The following RPS6KA5 variants were observed in gnomAD, a reference collection of about 807,000 sequenced individuals.
RPS6KA5 encodes the protein ribosomal protein S6 kinase alpha-5.
RPS6KA5 carries 27 observed loss-of-function variants against 85.5 expected under a neutral mutation model. The ratio of observed to expected loss-of-function variants is 0.32; its 90% CI spans 0.23 to 0.44. RPS6KA5 has a LOEUF of 0.44. Ranked by LOEUF, RPS6KA5 falls within the 20% of genes least tolerant of loss-of-function variation. RPS6KA5 has a pLI of 1.00. For missense variants in RPS6KA5, 811 were observed against 980.9 expected (o/e 0.83, Z 2.31); for synonymous variants, 334 against 348.2 (o/e 0.96, Z 0.46).
intron 4 of RPS6KA5, among the ~76,000 whole-genome samples, chr14:90,943,730 G>C (rs1312606645): frequency 6.6e-6 from 1 of 151,810 alleles, no homozygotes; most frequent in Non-Finnish European, 1.5e-5. Flanking sequence ...ATAGGTATTT[G>C]TGCAGCACAC....
In RPS6KA5 at chr14:90,859,783, A is replaced by G. The variant is rs2032453727; in HGVS notation, c.*12291T>C. 1 of 152,256 alleles carries G rather than the reference A, an allele frequency of 6.6e-6. No homozygotes were observed. The highest frequency in any genetic ancestry group is 1.5e-5 in the Non-Finnish European group (1 of 68,044). The allele number at this position is 152,256 out of a possible 1,614,324, so 9.4% of individuals were successfully genotyped here. A position where few individuals can be genotyped will look rare whatever the true frequency, so the allele number is the denominator to read the frequency against. ...AGAATTCTAATAAGGAAGGACATCA[A>G]CCAACAGATTCAGGAAGTTTACCAA... On this transcript the variant is annotated 3_prime_UTR_variant, in exon 17 of 17. Coordinates refer to ENST00000614987, the MANE Select transcript of RPS6KA5 (RefSeq NM_004755.4).
At chr14:90,937,407 A>AT (rs1016872611) in intron 5 of RPS6KA5, among the ~76,000 whole-genome samples, 4 of 151,834 alleles carry the variant, frequency 2.6e-5, no homozygotes, top group Admixed American at 2.0e-4. Flanking sequence ...GTATTCTGAG[A>AT]TTTTTTTTCC....
chr14:90,992,413 T>G (rs1465587073), intron 2 of RPS6KA5, among the ~76,000 whole-genome samples: 2 of 152,200 alleles, frequency 1.3e-5, no homozygotes. Flanking sequence ...TCCTTACCTT[T>G]ACAGAATTGT....
chr14:91,011,176 T>C (rs2041239713), intron 1 of RPS6KA5, among the ~76,000 whole-genome samples: 1 of 152,020 alleles, frequency 6.6e-6, no homozygotes. Context: ...CAACAAAAGA[T>C]AGACTGGACA....
intron 3 of RPS6KA5, among the ~76,000 whole-genome samples, chr14:90,957,653 A>G (rs534906087): frequency 2.8e-4 from 43 of 152,276 alleles, no homozygotes; most frequent in African/African-American, 8.9e-4. Context: ...GTCTAGTCCA[A>G]TAAATTCAGG....
intron 2 of RPS6KA5, among the ~76,000 whole-genome samples, chr14:90,984,385 T>C (rs963725353): frequency 1.2e-4 from 19 of 152,210 alleles, no homozygotes; most frequent in Non-Finnish European, 4.4e-5. Context: ...TGTGCTCTTT[T>C]AGCTAAACAG....
intron 1 of RPS6KA5, among the ~76,000 whole-genome samples, chr14:91,012,473 C>G (rs1482146983): frequency 6.6e-6 from 1 of 152,216 alleles, no homozygotes; most frequent in Non-Finnish European, 1.5e-5. Context: ...CAATTCCAGT[C>G]TTTTCTTGTT....
intron 2 of RPS6KA5, among the ~76,000 whole-genome samples, chr14:91,000,760 C>T (rs1041676631): frequency 6.6e-6 from 1 of 152,038 alleles, no homozygotes; most frequent in Non-Finnish European, 1.5e-5. Context: ...TGAGATCACG[C>T]CACCACACTC....
At position 90,852,080 on chromosome 14, in the gene RPS6KA5, TCA is replaced by T. The variant is rs2032024532; in HGVS notation, c.*19992_*19993del. 8.3e-6 allele frequency: 1 copy of T among 120,442 alleles called. No individual in the cohort carries two copies. Among genetic ancestry groups the T allele is most frequent in the Non-Finnish European group, 1.7e-5 (1 of 57,926 alleles). The allele number at this position is 120,442 out of a possible 1,614,324, so 7.5% of individuals were successfully genotyped here. ...TTATCGGTATCTTTTCTTTAAAAAATCACTTTTTTTTTTTTTTTTTTTTTTTT... is the reference window on the plus strand; with the variant it reads ...TTATCGGTATCTTTTCTTTAAAAAATCTTTTTTTTTTTTTTTTTTTTTTTT... On this transcript the variant is annotated 3_prime_UTR_variant, in exon 17 of 17. Transcript: ENST00000614987.
intron 3 of RPS6KA5, among the ~76,000 whole-genome samples, chr14:90,965,171 C>T (rs559492405): frequency 6.6e-6 from 1 of 152,080 alleles, no homozygotes; most frequent in East Asian, 1.9e-4. Flanking sequence ...AGGCAGATCA[C>T]GAGGTCAGGT....
chr14:90,962,360 G>C (rs769934999), intron 3 of RPS6KA5, among the ~76,000 whole-genome samples: 1 of 151,500 alleles, frequency 6.6e-6, no homozygotes, highest in Non-Finnish European at 1.5e-5. Context: ...CTGGAGTGCA[G>C]TGGCACTATC....
chr14:91,060,355 G>C lies in RPS6KA5; in HGVS notation c.80C>G (p.Thr27Ser). ...ACCAGTCCGCAGCTCGTGCTTGACAGTGAGGAGCTGCTCTCCTCCGTCGCC... is the reference window on the plus strand; with the variant it reads ...ACCAGTCCGCAGCTCGTGCTTGACACTGAGGAGCTGCTCTCCTCCGTCGCC... ...DGGDGGEQLL[T>S]VKHELRTANL... Residue 27 changes from threonine to serine, a missense_variant, in exon 1 of 17, where the codon ACT becomes AGT. By Grantham distance (58) the Thr-to-Ser change is moderately conservative (BLOSUM62 1). Transcript: ENST00000614987. 1 of 1,478,564 alleles carries C rather than the reference G, an allele frequency of 6.8e-7. No homozygotes were observed. Among genetic ancestry groups the C allele is most frequent in the South Asian group, 1.3e-5 (1 of 74,246 alleles). 91.6% of individuals were successfully genotyped at this position (1,478,564 alleles called of 1,614,324 possible). A position where few individuals can be genotyped will look rare whatever the true frequency, so the allele number is the denominator to read the frequency against.
At chr14:91,060,305 C>G (rs1329330310) in intron 1 of RPS6KA5, 27 bp downstream of exon 1, 10 of 1,225,782 alleles carry the variant, frequency 8.2e-6, no homozygotes, top group Non-Finnish European at 1.0e-5. Context: ...GCGCCGGGCC[C>G]GGCCGGCAGA....
At chr14:90,942,811 T>C (rs2140354164) in intron 5 of RPS6KA5, among the ~76,000 whole-genome samples, 1 of 152,350 alleles carries the variant, frequency 6.6e-6, no homozygotes, top group South Asian at 2.1e-4. Flanking sequence ...ATATTTTACA[T>C]ATTTTATGGG....
intron 15 of RPS6KA5, 63 bp from the exon 16 acceptor site, chr14:90,873,858 CA>C: frequency 2.1e-6 from 3 of 1,429,538 alleles, no homozygotes; most frequent in Non-Finnish European, 2.9e-6. Flanking sequence ...AAAACAAACT[CA>C]GAAATAAATC....
At position 90,872,114 on chromosome 14, in the gene RPS6KA5, T is replaced by C. The variant is rs772586913; in HGVS notation, c.2369A>G (p.Asn790Ser). ...CGAGAACTGGAAGAGGGTCTCCGGG[T>C]TATTGCTGTCGGCAGGATTGCTGGG... ...LQPSNPADSN[N>S]PETLFQFSDS... is the part of the protein sequence containing the mutation. Residue 790 changes from asparagine (N) to serine (S), a missense_variant, in exon 17 of 17, where the codon AAC (asparagine) becomes AGC (serine). Transcript: ENST00000614987. 18 of 1,613,518 alleles carry C rather than the reference T, an allele frequency of 1.1e-5. No homozygotes were observed. Among genetic ancestry groups the C allele is most frequent in the Non-Finnish European group, 1.0e-5 (12 of 1,179,884 alleles).
chr14:90,916,043 T>C (rs2036103214), intron 7 of RPS6KA5, among the ~76,000 whole-genome samples: 1 of 152,124 alleles, frequency 6.6e-6, no homozygotes, highest in Non-Finnish European at 1.5e-5. Context: ...TTATCCTAGA[T>C]AAAACTATCC....
intron 1 of RPS6KA5, among the ~76,000 whole-genome samples, chr14:91,050,792 T>A (rs1399506058): frequency 6.6e-6 from 1 of 152,200 alleles, no homozygotes; most frequent in Admixed American, 6.5e-5. Context: ...AAGTATCTTA[T>A]TGGAACTAAT....
Position 90,978,462 on chromosome 14 carries a change from T to C in RPS6KA5, c.238A>G (p.Met80Val), listed in dbSNP as rs367694592. Reference protein sequence around the residue: ...SGHDTGKLYAMKVLKKATIVQ... With the variant: ...SGHDTGKLYAVKVLKKATIVQ... ...ATTGTTGCCTTTTTCAAAACTTTCATGGCATACAGCTTTCCAGTATCATGG... is the reference window on the plus strand; with the variant it reads ...ATTGTTGCCTTTTTCAAAACTTTCACGGCATACAGCTTTCCAGTATCATGG... Residue 80 changes from methionine to valine, a missense_variant, in exon 3 of 17, where the codon ATG (methionine) becomes GTG (valine). Transcript: ENST00000614987. The C allele has an allele frequency of 6.2e-7, 1 of 1,613,816 alleles. No individual in the cohort carries two copies. Among genetic ancestry groups the C allele is most frequent in the African/African-American group, 1.3e-5 (1 of 74,940 alleles).
Sources: allele counts gnomAD v4.1 joint callset (sites outside exome capture counted in the v4.1 genomes callset), GRCh38; gene constraint gnomAD v4.1.1; transcripts MANE v1.5; gene names NCBI Gene and HGNC (gene_info 2026-07-23, HGNC 2026-07-21).